The following FEV variants were observed in gnomAD, a reference collection of about 807,000 sequenced individuals.
The protein encoded by FEV is protein FEV.
Under a neutral mutation model 20.5 loss-of-function variants are expected in FEV, and 14 were observed. The observed-to-expected ratio is 0.68, with a 90% CI of 0.45 to 1.07. The LOEUF (loss-of-function observed/expected upper bound fraction) is 1.07. Among genes scored for constraint, FEV ranks in the 50% least tolerant of loss-of-function variants. FEV has a pLI of 0.00. For missense variants in FEV, 301 were observed against 345.3 expected (o/e 0.87, Z 1.02); for synonymous variants, 188 against 163.7 (o/e 1.15, Z -1.13).
In FEV at chr2:218,982,793, C is replaced by G. The variant is rs1945403129; in HGVS notation, c.128-537G>C. 2.0e-5 allele frequency among the ~76,000 whole-genome samples: 3 copies of G among 152,330 alleles called. No homozygotes were observed. In the South Asian group the frequency reaches 6.2e-4, roughly 32 times the overall value. ...CGACCCCAACCACTGCTGGACAAGG[C>G]CCAGCTAGTCCCGAGTCCCCAAAGA... is the stretch of plus-strand genomic sequence containing the variant. On this transcript the variant is annotated intron_variant, in intron 2 of 2. Transcript: ENST00000295727.
rs1053631304 is a variant in FEV, at chr2:218,982,343, G to T, written c.128-87C>A. The T allele has an allele frequency of 1.2e-5, 15 of 1,207,478 alleles. No homozygotes were observed. In the Middle Eastern group the frequency reaches 8.4e-4, roughly 67 times the overall value. The allele number at this position is 1,207,478 out of a possible 1,614,324, so 74.8% of individuals were successfully genotyped here. A position where few individuals can be genotyped will look rare whatever the true frequency, so the allele number is the denominator to read the frequency against. ...GCTGGCGGGAAACTGACCCACCCCG[G>T]CAGGAACCGGCACTGGGGGAGGAAA... On this transcript the variant is annotated intron_variant, in intron 2 of 2. Coordinates refer to ENST00000295727, the MANE Select transcript of FEV (RefSeq NM_017521.3).
At position 218,984,571 on chromosome 2, in the gene FEV, G is replaced by C. The variant is rs1186004476; in HGVS notation, c.53-266C>G. ...GCTGGAGCCTTATAAAGCCGAGCGG[G>C]GAACTGCGCCAGCCGAGCTGGAGCG... On this transcript the variant is annotated intron_variant, in intron 1 of 2. Coordinates refer to ENST00000295727, the MANE Select transcript of FEV (RefSeq NM_017521.3). The surrounding 1 kb of genome is among the most constrained non-coding windows in gnomAD (Gnocchi z 5.0). 4.8e-6 allele frequency: 2 copies of C among 420,620 alleles called. No homozygotes were observed. The highest frequency in any genetic ancestry group is 2.0e-5 in the African/African-American group (1 of 49,040). The allele number at this position is 420,620 out of a possible 1,614,324, so 26.1% of individuals were successfully genotyped here.
chr2:218,984,468 G>A lies in FEV; in HGVS notation c.53-163C>T, dbSNP rs1945420450. ...TCCTCCCGGAGCCTGGTCCAGGCGC[G>A]CTGCGCGGAGCCCCTCCATAGAGCC... On this transcript the variant is annotated intron_variant, in intron 1 of 2. Transcript: ENST00000295727. This position sits in a 1 kb window ranked among gnomAD's most constrained non-coding sequence, Gnocchi z 5.0. 5.0e-6 allele frequency: 3 copies of A among 603,342 alleles called. 1 individual carries two copies. In the South Asian group the frequency reaches 7.8e-5, roughly 16 times the overall value. 37.4% of individuals were successfully genotyped at this position (603,342 alleles called of 1,614,324 possible).
chr2:218,985,112 C>CG lies in FEV; in HGVS notation c.-38dup. 9.2e-7 allele frequency: 1 copy of CG among 1,082,996 alleles called. No individual in the cohort carries two copies. The highest frequency in any genetic ancestry group is 1.3e-6 in the Non-Finnish European group (1 of 761,758). 67.1% of individuals were successfully genotyped at this position (1,082,996 alleles called of 1,614,324 possible). A position where few individuals can be genotyped will look rare whatever the true frequency, so the allele number is the denominator to read the frequency against. The stretch of plus-strand genomic sequence containing the variant: ...ACTGGGCGGTGGGAGATGGGGGGGA[C>CG]GGGGAAGGGGGGCGAGGCAGGCTTT... On this transcript the variant is annotated 5_prime_UTR_variant, in exon 1 of 3. Transcript: ENST00000295727.
rs111248228 is a variant in FEV at position 218,984,377 on chromosome 2, G to A, written c.53-72C>T. The A allele has an allele frequency of 7.6e-6, 11 of 1,456,338 alleles. No homozygotes were observed. Among genetic ancestry groups the A allele is most frequent in the African/African-American group, 4.2e-5 (3 of 70,876 alleles). The allele number at this position is 1,456,338 out of a possible 1,614,324, so 90.2% of individuals were successfully genotyped here. On this transcript the variant is annotated intron_variant, in intron 1 of 2. Transcript: ENST00000295727. This position sits in a 1 kb window ranked among gnomAD's most constrained non-coding sequence, Gnocchi z 5.0. ...TGTGGGCTTGACAAAAGGGCCCCGG[G>A]CCAAGGCTTAAGGGGGGTGCTGTGG...
Position 218,981,925 on chromosome 2 carries a change from C to CGCA in FEV, c.458_459insTGC (p.Ala155dup), listed in dbSNP as rs1945391174. The CGCA allele has an allele frequency of 7.6e-7, 1 of 1,316,220 alleles. No homozygotes were observed. The highest frequency in any genetic ancestry group is 1.6e-5 in the African/African-American group (1 of 63,906). The allele number at this position is 1,316,220 out of a possible 1,614,324, so 81.5% of individuals were successfully genotyped here. On this transcript the variant is annotated inframe_insertion, in exon 3 of 3. Coordinates refer to ENST00000295727, the MANE Select transcript of FEV (RefSeq NM_017521.3). This position sits in a 1 kb window ranked among gnomAD's most constrained non-coding sequence, Gnocchi z 4.5. ...TGTAGAGCGCGCCGTCCTGGGCGGC[C>CGCA]GCGGCGGCGGCAGCAGCTGCGGCGG...
rs763655673 is a variant in FEV, at chr2:218,985,077, G to T, written c.-2C>A. The T allele has an allele frequency of 2.5e-5, 39 of 1,552,550 alleles. No individual in the cohort carries two copies. The African/African-American group carries it at 4.5e-4, about 18-fold the overall frequency. On this transcript the variant is annotated 5_prime_UTR_variant, in exon 1 of 3. Coordinates refer to ENST00000295727, the MANE Select transcript of FEV (RefSeq NM_017521.3). ...CTGGGAGGCGCCGCTCTGTCTCATC[G>T]CCGCCGGGGACTGGGCGGTGGGAGA...
chr2:218,984,437 G>T lies in FEV; in HGVS notation c.53-132C>A, dbSNP rs893191983. 6 of 815,906 alleles carry T rather than the reference G, an allele frequency of 7.4e-6. No homozygotes were observed. The highest frequency in any genetic ancestry group is 7.0e-5 in the African/African-American group (4 of 57,138). 50.5% of individuals were successfully genotyped at this position (815,906 alleles called of 1,614,324 possible). A position where few individuals can be genotyped will look rare whatever the true frequency, so the allele number is the denominator to read the frequency against. On this transcript the variant is annotated intron_variant, in intron 1 of 2. Transcript: ENST00000295727. This position sits in a 1 kb window ranked among gnomAD's most constrained non-coding sequence, Gnocchi z 5.0. ...GCGAGGCTGGGGGCCCGGGCCACCC[G>T]GCTCCTCCTCCCGGAGCCTGGTCCA...
In FEV at chr2:218,985,023, C is replaced by G; in HGVS notation, c.52+1G>C. The stretch of plus-strand genomic sequence containing the variant: ...ACCAGCCTCCGGCTGGTCCCTGGTA[C>G]CTGGCAGGTACATGTTGATCAGCAG... On this transcript the variant is annotated splice_donor_variant, in intron 1 of 2. Transcript: ENST00000295727. LOFTEE classifies it high-confidence loss of function. 6.4e-7 allele frequency: 1 copy of G among 1,555,614 alleles called. No homozygotes were observed.
Position 218,981,767 on chromosome 2 carries a change from G to A in FEV, c.617C>T (p.Ala206Val). 2 of 1,270,036 alleles carry A rather than the reference G, an allele frequency of 1.6e-6. No homozygotes were observed. Among genetic ancestry groups the A allele is most frequent in the East Asian group, 3.1e-5 (1 of 32,128 alleles). 78.7% of individuals were successfully genotyped at this position (1,270,036 alleles called of 1,614,324 possible). Residue 206 changes from alanine (A) to valine (V), a missense_variant, in exon 3 of 3, where the codon GCC (alanine) becomes GTC (valine). Ala to Val is a moderately conservative substitution (Grantham distance 64). Coordinates refer to ENST00000295727, the MANE Select transcript of FEV (RefSeq NM_017521.3). The surrounding 1 kb of genome is among the most constrained non-coding windows in gnomAD (Gnocchi z 4.5). The stretch of plus-strand genomic sequence containing the variant: ...ACTGGGGTAGAGCGCGGCGGTGGCG[G>A]CGGCAGCGGTGGCGGCGGGGCCCGG... ...PGPGPAATAAAATAALYPSPS... is the reference protein window; with the variant it reads ...PGPGPAATAAVATAALYPSPS...
Position 218,981,409 on chromosome 2 carries a change from G to A in FEV, c.*258C>T. 2 of 366,402 alleles carry A rather than the reference G, an allele frequency of 5.5e-6. No homozygotes were observed. The highest frequency in any genetic ancestry group is 9.7e-6 in the Non-Finnish European group (2 of 205,480). 22.7% of individuals were successfully genotyped at this position (366,402 alleles called of 1,614,324 possible). ...GGTCCACAAATCCCCTCCGGGACCT[G>A]GAGACCTAGAAGAAAAAAAGTGAAA... On this transcript the variant is annotated 3_prime_UTR_variant, in exon 3 of 3. Transcript: ENST00000295727. This position sits in a 1 kb window ranked among gnomAD's most constrained non-coding sequence, Gnocchi z 4.5.
In FEV at chr2:218,981,895, C is replaced by T. The variant is rs777406156; in HGVS notation, c.489G>A (p.Leu163=). The change falls in exon 3 of 3, where the codon CTG becomes CTA. Residue 163 remains leucine (L), a synonymous_variant. Transcript: ENST00000295727. This position sits in a 1 kb window ranked among gnomAD's most constrained non-coding sequence, Gnocchi z 4.5. ...AGGGCAGCGGGGCGAGGCCGGCGGG[C>T]AGCTTGTAGAGCGCGCCGTCCTGGG... ...AAAQDGALYK[L]PAGLAPLPFP... 130 of 1,242,646 alleles carry T rather than the reference C, an allele frequency of 1.0e-4. No homozygotes were observed. Among genetic ancestry groups the T allele is most frequent in the Admixed American group, 8.3e-4 (19 of 22,936 alleles). 77.0% of individuals were successfully genotyped at this position (1,242,646 alleles called of 1,614,324 possible).
intron 2 of FEV, among the ~76,000 whole-genome samples, chr2:218,982,627 G>A (rs887582308): frequency 6.6e-6 from 1 of 152,184 alleles, no homozygotes; most frequent in Non-Finnish European, 1.5e-5. Context: ...GATATCCGCC[G>A]CCACTCTCCA....
intron 2 of FEV, among the ~76,000 whole-genome samples, 168 bp from the exon 3 acceptor site, chr2:218,982,424 G>T (rs1945399630): frequency 1.3e-5 from 2 of 152,060 alleles, no homozygotes. Context: ...CGGAGGGGCT[G>T]ATCAGCAGAG....
At position 218,981,607 on chromosome 2, in the gene FEV, G is replaced by A; in HGVS notation, c.*60C>T. 3 of 1,221,090 alleles carry A rather than the reference G, an allele frequency of 2.5e-6. No homozygotes were observed. The highest frequency in any genetic ancestry group is 2.1e-6 in the Non-Finnish European group (2 of 969,576). The allele number at this position is 1,221,090 out of a possible 1,614,324, so 75.6% of individuals were successfully genotyped here. A position where few individuals can be genotyped will look rare whatever the true frequency, so the allele number is the denominator to read the frequency against. On this transcript the variant is annotated 3_prime_UTR_variant, in exon 3 of 3. Coordinates refer to ENST00000295727, the MANE Select transcript of FEV (RefSeq NM_017521.3). This position sits in a 1 kb window ranked among gnomAD's most constrained non-coding sequence, Gnocchi z 4.5. ...GCTCCCGGGCCCTCCCCGGGATGCC[G>A]ATGGGATCGGGCGAGACTCTAGGCG...
chr2:218,981,517 G>T lies in FEV; in HGVS notation c.*150C>A. On this transcript the variant is annotated 3_prime_UTR_variant, in exon 3 of 3. Transcript: ENST00000295727. This position sits in a 1 kb window ranked among gnomAD's most constrained non-coding sequence, Gnocchi z 4.5. Reference sequence around the variant, plus strand: ...ACCAGACAAGGATTGAGGGAGCTTCGGTCCCGTCCCCCTGCTAAGTGCGGC... The same window carrying T: ...ACCAGACAAGGATTGAGGGAGCTTCTGTCCCGTCCCCCTGCTAAGTGCGGC... The T allele has an allele frequency of 1.7e-6, 1 of 573,030 alleles. No individual in the cohort carries two copies. Among genetic ancestry groups the T allele is most frequent in the Non-Finnish European group, 2.6e-6 (1 of 387,320 alleles). The allele number at this position is 573,030 out of a possible 1,614,324, so 35.5% of individuals were successfully genotyped here.
At position 218,984,139 on chromosome 2, in the gene FEV, A is replaced by G; in HGVS notation, c.127+92T>C. On this transcript the variant is annotated intron_variant, in intron 2 of 2. Transcript: ENST00000295727. This position sits in a 1 kb window ranked among gnomAD's most constrained non-coding sequence, Gnocchi z 5.0. ...GCCAGGACTCCGGGCTTCAGTGTGA[A>G]CCCTGGGTCCACACTGCTCCCACCT... The G allele has an allele frequency of 7.7e-7, 1 of 1,307,162 alleles. No individual in the cohort carries two copies. Among genetic ancestry groups the G allele is most frequent in the South Asian group, 1.4e-5 (1 of 73,402 alleles). 81.0% of individuals were successfully genotyped at this position (1,307,162 alleles called of 1,614,324 possible). A position where few individuals can be genotyped will look rare whatever the true frequency, so the allele number is the denominator to read the frequency against.
At chr2:218,982,950 C>T (rs1346477780) in intron 2 of FEV, among the ~76,000 whole-genome samples, 1 of 152,238 alleles carries the variant, frequency 6.6e-6, no homozygotes, top group Non-Finnish European at 1.5e-5. Context: ...GGCTCACTAT[C>T]CTAGCCACCT....
In FEV at chr2:218,984,219, C is replaced by A; in HGVS notation, c.127+12G>T. On this transcript the variant is annotated intron_variant, in intron 2 of 2. Transcript: ENST00000295727. This position sits in a 1 kb window ranked among gnomAD's most constrained non-coding sequence, Gnocchi z 5.0. ...ACCTCGCCTCCGCCGCCCAGCGCGC[C>A]GGCCATCTCACCTTTCTGAACCGCG... 1 of 1,583,808 alleles carries A rather than the reference C, an allele frequency of 6.3e-7. No homozygotes were observed. Among genetic ancestry groups the A allele is most frequent in the Non-Finnish European group, 8.6e-7 (1 of 1,165,084 alleles).
Sources: allele counts gnomAD v4.1 joint callset (sites outside exome capture counted in the v4.1 genomes callset), GRCh38; gene constraint gnomAD v4.1.1; non-coding constraint Gnocchi (gnomAD v3.1); transcripts MANE v1.5; gene names NCBI Gene and HGNC (gene_info 2026-07-23, HGNC 2026-07-21).